Variants in GABRB1 observed in about 807,000 individuals in gnomAD.
GABRB1 encodes the protein gamma-aminobutyric acid receptor subunit beta-1.
Under a neutral mutation model 51.6 loss-of-function variants are expected in GABRB1, and 17 were observed. That is an observed-to-expected ratio of 0.33 (90% CI 0.23 to 0.49). GABRB1 has a LOEUF of 0.49. Among genes scored for constraint, GABRB1 ranks in the 20% least tolerant of loss-of-function variants. The pLI, the probability that GABRB1 is intolerant of heterozygous loss-of-function variation, is 0.99. For missense variants in GABRB1, 410 were observed against 600.6 expected (o/e 0.68, Z 3.32); for synonymous variants, 247 against 218.9 (o/e 1.13, Z -1.14).
chr4:47,027,398 T>C (rs1414096465), upstream of GABRB1, among the ~76,000 whole-genome samples: 1 of 151,666 alleles, frequency 6.6e-6, no homozygotes, highest in Admixed American at 6.6e-5. Flanking sequence ...AAAATATACT[T>C]GGCTTATTAC....
At chr4:47,205,884 G>T (rs1444731238) in intron 4 of GABRB1, among the ~76,000 whole-genome samples, 1 of 151,982 alleles carries the variant, frequency 6.6e-6, no homozygotes, top group African/African-American at 2.4e-5. Flanking sequence ...TTTGTTCAGA[G>T]CTACCTTTCC....
chr4:47,123,875 TATATATAATATATATA>T lies in GABRB1; in HGVS notation c.241-37360_241-37345del, dbSNP rs1386046212. On this transcript the variant is annotated intron_variant, in intron 3 of 8. Transcript: ENST00000295454. Reference sequence around the variant, plus strand: ...TATATCATATATATGATATATATCTTATATATAATATATATAATATATAATATATTATATATTAATA... The same window carrying T: ...TATATCATATATATGATATATATCTTATATATAATATATTATATATTAATA... Among the ~76,000 whole-genome samples the T allele has an allele frequency of 9.9e-4, 79 of 79,426 alleles. 1 individual carries two copies. Among genetic ancestry groups the T allele is most frequent in the Admixed American group, 2.5e-3 (11 of 4,462 alleles). 52.1% of individuals were successfully genotyped at this position (79,426 alleles called of 152,430 possible). A position where few individuals can be genotyped will look rare whatever the true frequency, so the allele number is the denominator to read the frequency against.
At chr4:47,406,208 G>A (rs981616590) in intron 7 of GABRB1, among the ~76,000 whole-genome samples, 1 of 152,188 alleles carries the variant, frequency 6.6e-6, no homozygotes, top group Non-Finnish European at 1.5e-5. Context: ...TGGGTGTCCT[G>A]TAGATTCATG....
At chr4:47,174,791 A>G (rs1465797189) in intron 4 of GABRB1, among the ~76,000 whole-genome samples, 1 of 152,060 alleles carries the variant, frequency 6.6e-6, no homozygotes, top group Non-Finnish European at 1.5e-5. Flanking sequence ...GGTATTTCAA[A>G]GGCTCCTGTT....
chr4:47,043,473 G>T (rs1007184338), intron 3 of GABRB1: 1 of 152,020 alleles, frequency 6.6e-6, no homozygotes, highest in Non-Finnish European at 1.5e-5. Flanking sequence ...TTACAGGATG[G>T]CATCTGTTCT....
At chr4:47,421,907 AC>A in intron 8 of GABRB1, among the ~76,000 whole-genome samples, 1 of 152,096 alleles carries the variant, frequency 6.6e-6, no homozygotes, top group Non-Finnish European at 1.5e-5. Context: ...AAAGTACCTA[AC>A]AAAATCATGT....
chr4:47,262,432 C>G (rs1482531320), intron 4 of GABRB1, among the ~76,000 whole-genome samples: 1 of 152,146 alleles, frequency 6.6e-6, no homozygotes, highest in African/African-American at 2.4e-5. Context: ...AGCCAACAGA[C>G]ACATGAAAAA....
chr4:47,151,204 A>C (rs1192847482), intron 3 of GABRB1, among the ~76,000 whole-genome samples: 1 of 152,018 alleles, frequency 6.6e-6, no homozygotes, highest in Non-Finnish European at 1.5e-5. Flanking sequence ...AAGGGATATC[A>C]GAACTGCTTT....
At chr4:47,056,952 A>G (rs1408992811) in intron 3 of GABRB1, among the ~76,000 whole-genome samples, 3 of 152,118 alleles carry the variant, frequency 2.0e-5, no homozygotes, top group African/African-American at 7.2e-5. Context: ...CTGAAAAAAC[A>G]AAAATTTGCT....
At chr4:47,271,458 A>G (rs1183279926) in intron 4 of GABRB1, among the ~76,000 whole-genome samples, 1 of 152,264 alleles carries the variant, frequency 6.6e-6, no homozygotes, top group East Asian at 1.9e-4. Flanking sequence ...TGGCATTCCT[A>G]CTTCTCCAGA....
chr4:47,366,422 A>G (rs1178416849), intron 5 of GABRB1, among the ~76,000 whole-genome samples: 1 of 152,152 alleles, frequency 6.6e-6, no homozygotes, highest in Non-Finnish European at 1.5e-5. Flanking sequence ...CCACCTACCT[A>G]TTCTAAGCAC....
At chr4:47,116,707 T>C (rs1715496125) in intron 3 of GABRB1, among the ~76,000 whole-genome samples, 1 of 152,160 alleles carries the variant, frequency 6.6e-6, no homozygotes. Context: ...CTAGTACTTT[T>C]CTTTGGGCAA....
intron 5 of GABRB1, among the ~76,000 whole-genome samples, chr4:47,381,055 A>G (rs1727576339): frequency 6.6e-6 from 1 of 152,126 alleles, no homozygotes. Context: ...GCACAGGGGT[A>G]ATTGCCACCA....
chr4:47,351,072 G>A (rs1425134045), intron 5 of GABRB1, among the ~76,000 whole-genome samples: 1 of 152,218 alleles, frequency 6.6e-6, no homozygotes, highest in South Asian at 2.1e-4. Context: ...CTGTGGGAAA[G>A]CAAACTTACA....
chr4:47,185,297 T>G (rs1719128260), intron 4 of GABRB1, among the ~76,000 whole-genome samples: 1 of 151,778 alleles, frequency 6.6e-6, no homozygotes, highest in South Asian at 2.1e-4. Flanking sequence ...CACTGGAAAA[T>G]TCTTCTGGCT....
intron 3 of GABRB1, among the ~76,000 whole-genome samples, chr4:47,094,024 GGCTCTC>G (rs1714268725): frequency 6.6e-6 from 1 of 151,686 alleles, no homozygotes; most frequent in African/African-American, 2.4e-5. Context: ...TTCTCCCAGT[GGCTCTC>G]GGTGTGGGCA....
chr4:47,390,426 G>T (rs1032344294), intron 5 of GABRB1, among the ~76,000 whole-genome samples: 10 of 152,300 alleles, frequency 6.6e-5, no homozygotes, highest in African/African-American at 2.4e-4. Flanking sequence ...AGCACAGTGG[G>T]GAGTAATTTT....
chr4:47,285,875 A>G (rs979100860), intron 4 of GABRB1, among the ~76,000 whole-genome samples: 2 of 152,248 alleles, frequency 1.3e-5, no homozygotes, highest in African/African-American at 2.4e-5. Flanking sequence ...TTTATGTATG[A>G]ATGAAACAGC....
Position 47,292,521 on chromosome 4 carries a change from G to T in GABRB1, c.462-27606G>T, listed in dbSNP as rs886606972. Among the ~76,000 whole-genome samples the T allele has an allele frequency of 2.0e-5, 3 of 152,196 alleles. No individual in the cohort carries two copies. The East Asian group carries it at 5.8e-4, about 29-fold the overall frequency. ...TCTAATAAATGGAAAACCTAGAAAA[G>T]CTATTTTGAAAAGAGTTTTAAACAG... On this transcript the variant is annotated intron_variant, in intron 4 of 8. Coordinates refer to ENST00000295454, the MANE Select transcript of GABRB1 (RefSeq NM_000812.4).
Sources: gnomAD v4.1 joint callset for allele counts (sites outside exome capture counted in the v4.1 genomes callset) on GRCh38, gnomAD v4.1.1 for gene constraint, MANE v1.5 for transcripts, NCBI Gene and HGNC (gene_info 2026-07-23, HGNC 2026-07-21) for gene names.